The following DNAH6 variants were observed in gnomAD, a reference collection of about 807,000 sequenced individuals.
DNAH6 encodes the protein dynein axonemal heavy chain 6.
Under a neutral mutation model 491.4 loss-of-function variants are expected in DNAH6, and 340 were observed. The ratio of observed to expected loss-of-function variants is 0.69; its 90% CI spans 0.63 to 0.76. The LOEUF (loss-of-function observed/expected upper bound fraction) is 0.76. Among genes scored for constraint, DNAH6 ranks in the 30% least tolerant of loss-of-function variants. DNAH6 has a pLI of 0.00. For missense variants in DNAH6, 4,443 were observed against 4,972.2 expected (o/e 0.89, Z 3.20); for synonymous variants, 1,603 against 1,686.1 (o/e 0.95, Z 1.21).
At chr2:84,469,253 T>C in the DNAH6 span, among the ~76,000 whole-genome samples, 131 of 152,298 alleles carry the variant, frequency 8.6e-4, no homozygotes, top group Middle Eastern at 0.02. This position sits in a 1 kb window ranked among gnomAD's most constrained non-coding sequence, Gnocchi z 4.0. Flanking sequence ...GCCAGGTTTC[T>C]GGGTTCTCTT....
rs1370805973 is a variant in DNAH6 at position 84,604,325 on chromosome 2, T to C, written c.2869-14T>C. 16 of 1,542,516 alleles carry C rather than the reference T, an allele frequency of 1.0e-5. No individual in the cohort carries two copies. Among genetic ancestry groups the C allele is most frequent in the Middle Eastern group, 3.3e-4 (2 of 5,996 alleles). The stretch of plus-strand genomic sequence containing the variant: ...ATAAAAAGCTTCATGTCTCTGAGAG[T>C]GTTTGTTTTTCAGCTTCCAGTTATC... On this transcript the variant is annotated splice_polypyrimidine_tract_variant and intron_variant, in intron 18 of 76. Transcript: ENST00000389394.
chr2:84,681,599 T>C (rs1226095921), intron 42 of DNAH6, 71 bp downstream of exon 42: 3 of 1,358,316 alleles, frequency 2.2e-6, no homozygotes, highest in Non-Finnish European at 2.9e-6. Flanking sequence ...AATATCTCAG[T>C]AACATTGTAT....
chr2:84,661,236 T>C (rs1438174241), intron 37 of DNAH6, among the ~76,000 whole-genome samples: 3 of 152,094 alleles, frequency 2.0e-5, no homozygotes, highest in African/African-American at 7.2e-5. Flanking sequence ...GTCTATTAAC[T>C]GGTCATGAAA....
intron 63 of DNAH6, among the ~76,000 whole-genome samples, chr2:84,748,011 G>A (rs771732160): frequency 5.3e-5 from 8 of 152,118 alleles, no homozygotes; most frequent in East Asian, 1.9e-4. Flanking sequence ...GGACAGCGAC[G>A]CCCAAGGCTT....
the DNAH6 span, among the ~76,000 whole-genome samples, chr2:84,469,142 A>C: frequency 5.9e-5 from 9 of 152,188 alleles, no homozygotes; most frequent in Non-Finnish European, 1.2e-4. This position sits in a 1 kb window ranked among gnomAD's most constrained non-coding sequence, Gnocchi z 4.0. Context: ...TTTACAGAGG[A>C]GATAAACACT....
intron 61 of DNAH6, among the ~76,000 whole-genome samples, chr2:84,728,550 T>A: frequency 6.6e-6 from 1 of 152,212 alleles, no homozygotes. Flanking sequence ...GAAGTGAACA[T>A]GTTTTGCAAA....
At chr2:84,805,189 A>C (rs1333601495) in intron 70 of DNAH6, among the ~76,000 whole-genome samples, 2 of 152,230 alleles carry the variant, frequency 1.3e-5, no homozygotes, top group African/African-American at 2.4e-5. Context: ...AACAGTAACA[A>C]CTATGTACTA....
chr2:84,701,926 G>A (rs765465023), intron 49 of DNAH6, among the ~76,000 whole-genome samples: 75 of 152,122 alleles, frequency 4.9e-4, no homozygotes, highest in Non-Finnish European at 8.7e-4. Context: ...CCTGCTGTTG[G>A]TCTGAGGGCC....
chr2:84,688,278 T>A (rs1694485151), intron 44 of DNAH6, among the ~76,000 whole-genome samples, 161 bp from the exon 45 acceptor site: 1 of 151,522 alleles, frequency 6.6e-6, no homozygotes, highest in African/African-American at 2.4e-5. Flanking sequence ...TATAGCATTG[T>A]GAGAAAAATC....
rs1324413855 is a variant in DNAH6 at position 84,718,189 on chromosome 2, GAACT to G, written c.9612-14_9612-11del. On this transcript the variant is annotated splice_polypyrimidine_tract_variant and intron_variant, in intron 58 of 76. Coordinates refer to ENST00000389394, the MANE Select transcript of DNAH6 (RefSeq NM_001370.2). ...TGGCAGAGACATAATTTAGATATCT[GAACT>G]TTGGTTTTAGTGATGTGGTGCGACT... The G allele has an allele frequency of 6.7e-7, 1 of 1,498,884 alleles. No individual in the cohort carries two copies. Among genetic ancestry groups the G allele is most frequent in the Non-Finnish European group, 8.9e-7 (1 of 1,125,494 alleles). 92.8% of individuals were successfully genotyped at this position (1,498,884 alleles called of 1,614,324 possible). A position where few individuals can be genotyped will look rare whatever the true frequency, so the allele number is the denominator to read the frequency against.
intron 64 of DNAH6, among the ~76,000 whole-genome samples, chr2:84,770,832 T>A (rs936555364): frequency 6.6e-6 from 1 of 151,340 alleles, no homozygotes; most frequent in Admixed American, 6.6e-5. Context: ...AAAATAATAA[T>A]AATAATAATT....
chr2:84,534,396 G>A (rs60999467), intron 4 of DNAH6, among the ~76,000 whole-genome samples: 1 of 152,026 alleles, frequency 6.6e-6, no homozygotes, highest in African/African-American at 2.4e-5. Flanking sequence ...TGTAGTCCCC[G>A]CTGCCAGAGA....
At chr2:84,784,642 A>T in intron 65 of DNAH6, 80 bp from the exon 66 acceptor site, 1 of 858,336 alleles carries the variant, frequency 1.2e-6, no homozygotes, top group Admixed American at 2.4e-5. Flanking sequence ...CCTTCTCTAG[A>T]AATAATCATG....
chr2:84,679,029 C>T (rs1693522882), intron 41 of DNAH6, among the ~76,000 whole-genome samples: 1 of 152,074 alleles, frequency 6.6e-6, no homozygotes, highest in South Asian at 2.1e-4. Context: ...TCCTGTCCTT[C>T]ATTACTGTTT....
chr2:84,588,153 T>C (rs191481963), intron 15 of DNAH6, among the ~76,000 whole-genome samples: 2 of 152,334 alleles, frequency 1.3e-5, no homozygotes, highest in South Asian at 2.1e-4. Context: ...AAGCCCCTTC[T>C]TCCTGGACAC....
chr2:84,778,225 T>C (rs966551542), intron 64 of DNAH6: 6 of 645,544 alleles, frequency 9.3e-6, no homozygotes, highest in African/African-American at 9.1e-5. Context: ...AGTTGCCATA[T>C]TGGACTTGGA....
At chr2:84,705,901 T>C (rs958178846) in intron 52 of DNAH6, among the ~76,000 whole-genome samples, 154 bp downstream of exon 52, 1 of 152,150 alleles carries the variant, frequency 6.6e-6, no homozygotes, top group African/African-American at 2.4e-5. Flanking sequence ...AGCTGGCAAT[T>C]TTTTTTCAGA....
chr2:84,462,375 A>G, the DNAH6 span, among the ~76,000 whole-genome samples: 5 of 152,186 alleles, frequency 3.3e-5, no homozygotes, highest in African/African-American at 1.2e-4. Context: ...ACATCTTACA[A>G]ATATTGATTG....
chr2:84,641,045 G>C (rs55700242), intron 32 of DNAH6, among the ~76,000 whole-genome samples: 1 of 152,082 alleles, frequency 6.6e-6, no homozygotes, highest in South Asian at 2.1e-4. Flanking sequence ...TTTCACCTCT[G>C]TCTTTATAAC....
Sources: gnomAD v4.1 joint callset for allele counts (sites outside exome capture counted in the v4.1 genomes callset) on GRCh38, gnomAD v4.1.1 for gene constraint, Gnocchi (gnomAD v3.1) non-coding constraint, MANE v1.5 for transcripts, NCBI Gene and HGNC (gene_info 2026-07-23, HGNC 2026-07-21) for gene names.